The following PSMA6 variants were observed in gnomAD, a reference collection of about 807,000 sequenced individuals.
PSMA6 encodes proteasome 20S subunit alpha 6, also known as proteasome subunit alpha type-6.
For missense variants in PSMA6, 170 were observed against 294.8 expected, an observed-to-expected ratio of 0.58 and a Z score of 3.10; for synonymous variants, 88 against 97.7, an observed-to-expected ratio of 0.90 and a Z score of 0.59.
At chr14:35,291,186 C>T (rs938674078), upstream of PSMA6, among the ~76,000 whole-genome samples, 3 of 149,260 alleles carry the variant, frequency 2.0e-5, no homozygotes, top group African/African-American at 5.0e-5. Flanking sequence ...ACGGGGCCTT[C>T]CTATGTTGGC....
In PSMA6 at chr14:35,317,152, G is replaced by A. The variant is rs1279606020; in HGVS notation, c.684-97G>A. 8.4e-6 allele frequency: 7 copies of A among 832,470 alleles called. No homozygotes were observed. In the East Asian group the frequency reaches 1.7e-4, roughly 20 times the overall value. 51.6% of individuals were successfully genotyped at this position (832,470 alleles called of 1,614,324 possible). ...AAATTGATAATTGTTAAAGTAGGTT[G>A]ATAGGTATATGGGAGTTTATTATAC... On this transcript the variant is annotated intron_variant, in intron 6 of 6. Coordinates refer to ENST00000261479, the MANE Select transcript of PSMA6 (RefSeq NM_002791.3).
chr14:35,281,522 C>A (rs190063622), intron 1 of PSMA6, among the ~76,000 whole-genome samples: 159 of 152,270 alleles, frequency 1.0e-3, no homozygotes, highest in Admixed American at 2.7e-3. Context: ...GATGCCAATG[C>A]TGCAGACTGT....
Position 35,317,275 on chromosome 14 carries a change from C to G in PSMA6, c.710C>G (p.Ala237Gly). Residue 237 changes from alanine to glycine, a missense_variant, in exon 7 of 7, where the codon GCT (alanine) becomes GGT (glycine). Physicochemically the swap from Ala to Gly is moderately conservative, Grantham distance 60. Transcript: ENST00000261479. ...ATTCTTACAGAAGCAGAGATTGATG[C>G]TCACCTTGTTGCTCTAGCAGAGAGA... ...FRILTEAEID[A>G]HLVALAERD The G allele has an allele frequency of 1.2e-6, 2 of 1,612,678 alleles. No homozygotes were observed. The highest frequency in any genetic ancestry group is 2.2e-5 in the East Asian group (1 of 44,844).
At chr14:35,309,900 A>T (rs1484835399) in intron 3 of PSMA6, among the ~76,000 whole-genome samples, 1 of 152,018 alleles carries the variant, frequency 6.6e-6, no homozygotes. Flanking sequence ...TGAACCCGGG[A>T]GGTAGAGGTT....
chr14:35,295,909 C>G (rs2138719897), intron 1 of PSMA6, among the ~76,000 whole-genome samples: 1 of 152,226 alleles, frequency 6.6e-6, no homozygotes, highest in African/African-American at 2.4e-5. Context: ...GACTGAGGCC[C>G]TAGTTGGCCA....
intron 1 of PSMA6, among the ~76,000 whole-genome samples, chr14:35,302,950 T>A (rs1173059982): frequency 6.6e-6 from 1 of 152,260 alleles, no homozygotes; most frequent in East Asian, 1.9e-4. Flanking sequence ...AATGGTTGTT[T>A]TTAATTCTTT....
At position 35,308,943 on chromosome 14, in the gene PSMA6, T is replaced by G; in HGVS notation, c.201T>G (p.Thr67=). 1 of 1,609,832 alleles carries G rather than the reference T, an allele frequency of 6.2e-7. No individual in the cohort carries two copies. Among genetic ancestry groups the G allele is most frequent in the Non-Finnish European group, 8.5e-7 (1 of 1,177,298 alleles). The change falls in exon 3 of 7, where the codon ACT becomes ACG. Residue 67 remains threonine (T), a synonymous_variant. Coordinates refer to ENST00000261479, the MANE Select transcript of PSMA6 (RefSeq NM_002791.3). ...PDKLLDSSTV[T]HLFKITENIG... is the part of the protein sequence containing the mutation. ...AATTATTGGATTCCAGCACAGTGAC[T>G]CACTTATTCAAGATAACTGAAAACA... is the stretch of plus-strand genomic sequence containing the variant.
At chr14:35,295,670 T>C (rs1279460097) in intron 1 of PSMA6, among the ~76,000 whole-genome samples, 1 of 152,278 alleles carries the variant, frequency 6.6e-6, no homozygotes, top group Non-Finnish European at 1.5e-5. Flanking sequence ...CTGGCTGGTC[T>C]TGAACTCCTG....
chr14:35,283,880 T>C (rs1192925531), intron 1 of PSMA6, among the ~76,000 whole-genome samples: 1 of 152,174 alleles, frequency 6.6e-6, no homozygotes, highest in Non-Finnish European at 1.5e-5. Flanking sequence ...CCTTTACAAA[T>C]TTTTTGCAGA....
chr14:35,298,000 A>G (rs2051632222), intron 1 of PSMA6, among the ~76,000 whole-genome samples: 1 of 152,178 alleles, frequency 6.6e-6, no homozygotes, highest in African/African-American at 2.4e-5. Flanking sequence ...GCAAGGAAGC[A>G]ATTTACTTCC....
chr14:35,301,336 C>T (rs2051707197), intron 1 of PSMA6, among the ~76,000 whole-genome samples: 1 of 151,854 alleles, frequency 6.6e-6, no homozygotes, highest in Non-Finnish European at 1.5e-5. Context: ...AAAACCCCGT[C>T]TCTACTAAAA....
At chr14:35,286,154 C>G (rs17458137) in intron 1 of PSMA6, among the ~76,000 whole-genome samples, 8,793 of 152,242 alleles carry the variant, frequency 0.058, 335 homozygotes, top group Middle Eastern at 0.11. Context: ...GAAGAAGAAA[C>G]TGAGATTATG....
upstream of PSMA6, among the ~76,000 whole-genome samples, chr14:35,289,915 CAAAAAAAAAAAAA>C (rs750610944): frequency 3.8e-5 from 3 of 79,620 alleles, no homozygotes; most frequent in African/African-American, 1.0e-4. Flanking sequence ...TACCGCATTT[CAAAAAAAAAAAAA>C]AAAAAAAAGG....
At position 35,313,972 on chromosome 14, in the gene PSMA6, AAAAC is replaced by A. The variant is rs377559718; in HGVS notation, c.589-378_589-375del. On this transcript the variant is annotated intron_variant, in intron 5 of 6. Coordinates refer to ENST00000261479, the MANE Select transcript of PSMA6 (RefSeq NM_002791.3). ...AGACTCTGCCTCAAAAAACAGAAAC[AAAAC>A]AAACAAACAACACTTAAAACATTCT... 7.2e-4 allele frequency: 110 copies of A among 153,830 alleles called. 1 individual carries two copies. The highest frequency in any genetic ancestry group is 2.3e-3 in the African/African-American group (95 of 41,620). 9.5% of individuals were successfully genotyped at this position (153,830 alleles called of 1,614,324 possible).
chr14:35,309,549 TG>T (rs921295611), intron 3 of PSMA6, among the ~76,000 whole-genome samples: 1 of 152,096 alleles, frequency 6.6e-6, no homozygotes, highest in African/African-American at 2.4e-5. Context: ...CCCAGCACTT[TG>T]GGAGGCCGAG....
At chr14:35,314,274 T>C (rs2051997172) in intron 5 of PSMA6, 87 bp from the exon 6 acceptor site, 1 of 1,336,852 alleles carries the variant, frequency 7.5e-7, no homozygotes, top group African/African-American at 1.5e-5. Context: ...AGCTCCTGAT[T>C]GACTCATGAT....
chr14:35,314,477 A>G (rs759377645), intron 6 of PSMA6, 22 bp downstream of exon 6: 4 of 1,602,644 alleles, frequency 2.5e-6, no homozygotes, highest in East Asian at 2.2e-5. Flanking sequence ...TGTGGGCCAC[A>G]TGCAGACTAG....
At chr14:35,288,324 C>G (rs1432579221), upstream of PSMA6, among the ~76,000 whole-genome samples, 2 of 152,138 alleles carry the variant, frequency 1.3e-5, no homozygotes, top group African/African-American at 2.4e-5. Context: ...ATGGCAAAAC[C>G]CTGTCTCTAC....
At chr14:35,307,732 T>TA (rs1566560402) in intron 1 of PSMA6, among the ~76,000 whole-genome samples, 1 of 151,994 alleles carries the variant, frequency 6.6e-6, no homozygotes, top group African/African-American at 2.4e-5. Context: ...AGACTCTGTT[T>TA]AAAAAAAGAA....
Sources: allele counts gnomAD v4.1 joint callset (sites outside exome capture counted in the v4.1 genomes callset), GRCh38; gene constraint gnomAD v4.1.1; transcripts MANE v1.5; gene names NCBI Gene and HGNC (gene_info 2026-07-23, HGNC 2026-07-21).